SLC1A4: variants seen among roughly 807,000 people sequenced by gnomAD.
The protein encoded by SLC1A4 is solute carrier family 1 member 4, also known as neutral amino acid transporter A.
Under a neutral mutation model 37.7 loss-of-function variants are expected in SLC1A4, and 19 were observed. The observed-to-expected ratio is 0.50, with a 90% CI of 0.35 to 0.74. The LOEUF (loss-of-function observed/expected upper bound fraction) is 0.74. SLC1A4 is among the 30% of genes least tolerant of loss of function. SLC1A4 has a pLI of 0.01. For missense variants in SLC1A4, 570 were observed against 712.9 expected, an observed-to-expected ratio of 0.80 and a Z score of 2.28; for synonymous variants, 299 against 309.8, an observed-to-expected ratio of 0.97 and a Z score of 0.37.
Position 65,010,675 on chromosome 2 carries a change from A to G in SLC1A4, c.712A>G (p.Lys238Glu). ...LFALVLGVAL[K>E]KLGSEGEDLI... ...TGCTCTGGTGTTAGGAGTGGCCTTA[A>G]AGAAACTAGGCTCCGAAGGAGAAGA... The change falls in exon 4 of 8, where the codon AAG (lysine) becomes GAG (glutamate). Residue 238 changes from lysine to glutamate, a missense_variant. Physicochemically the swap from Lys to Glu is moderately conservative, Grantham distance 56. Coordinates refer to ENST00000234256, the MANE Select transcript of SLC1A4 (RefSeq NM_003038.5). 1.2e-6 allele frequency: 2 copies of G among 1,614,164 alleles called. No individual in the cohort carries two copies. The highest frequency in any genetic ancestry group is 1.7e-6 in the Non-Finnish European group (2 of 1,180,012).
chr2:65,017,666 G>A (rs1364202756), intron 5 of SLC1A4, among the ~76,000 whole-genome samples: 1 of 152,062 alleles, frequency 6.6e-6, no homozygotes, highest in African/African-American at 2.4e-5. Flanking sequence ...GCCATTTCTG[G>A]GTTTTGGCCT....
At chr2:65,016,111 T>C (rs1457129091) in intron 4 of SLC1A4, among the ~76,000 whole-genome samples, 1 of 152,224 alleles carries the variant, frequency 6.6e-6, no homozygotes, top group Non-Finnish European at 1.5e-5. Context: ...CCTGGAGGCT[T>C]TGATCTCGAT....
chr2:64,988,912 C>G (rs1347480149), upstream of SLC1A4, among the ~76,000 whole-genome samples: 1 of 152,048 alleles, frequency 6.6e-6, no homozygotes, highest in Non-Finnish European at 1.5e-5. Context: ...GAGAGGGATC[C>G]TCCCCTCTCC....
At chr2:65,016,745 T>A in intron 5 of SLC1A4, 72 bp downstream of exon 5, 1 of 941,670 alleles carries the variant, frequency 1.1e-6, no homozygotes, top group East Asian at 2.4e-5. Context: ...CAGTGGTAGA[T>A]GCACAACCAG....
At chr2:65,015,963 A>T (rs749167385) in intron 4 of SLC1A4, among the ~76,000 whole-genome samples, 6 of 152,256 alleles carry the variant, frequency 3.9e-5, no homozygotes, top group Non-Finnish European at 5.9e-5. Context: ...TCTAAGCCAC[A>T]AAGAATTTAA....
At position 65,018,989 on chromosome 2, in the gene SLC1A4, G is replaced by A. The variant is rs2075209; in HGVS notation, c.1364+310G>A. On this transcript the variant is annotated intron_variant, in intron 7 of 7. Transcript: ENST00000234256. The surrounding 1 kb of genome is among the most constrained non-coding windows in gnomAD (Gnocchi z 4.3). ...CCCAAGGGACACGAGGGTCTATGGA[G>A]TTGCTGACTGCATAGGAGTAATAAG... 0.19 allele frequency among the ~76,000 whole-genome samples: 28,259 copies of A among 152,266 alleles called. 2,760 individuals carry two copies. Among genetic ancestry groups the A allele is most frequent in the East Asian group, 0.35 (1,808 of 5,184 alleles).
At chr2:64,991,840 A>T (rs1299722298) in intron 1 of SLC1A4, among the ~76,000 whole-genome samples, 1 of 152,070 alleles carries the variant, frequency 6.6e-6, no homozygotes, top group Non-Finnish European at 1.5e-5. Flanking sequence ...TGACCTCGTG[A>T]GCCACCCGCC....
intron 1 of SLC1A4, among the ~76,000 whole-genome samples, chr2:64,994,082 G>A (rs1014019330): frequency 1.3e-4 from 20 of 152,328 alleles, no homozygotes; most frequent in African/African-American, 3.8e-4. Context: ...GGCATCTGGA[G>A]GAGAAGTGAA....
Position 64,989,543 on chromosome 2 carries a change from T to G in SLC1A4, c.-101T>G. ...ACCCCCGGGGCGGCTTCCCAGAACC[T>G]GCGGAGCACAACTGGCCGACCGACC... is the stretch of plus-strand genomic sequence containing the variant. On this transcript the variant is annotated 5_prime_UTR_variant, in exon 1 of 8. Coordinates refer to ENST00000234256, the MANE Select transcript of SLC1A4 (RefSeq NM_003038.5). 8.7e-7 allele frequency: 1 copy of G among 1,155,132 alleles called. No individual in the cohort carries two copies. The highest frequency in any genetic ancestry group is 3.2e-5 in the East Asian group (1 of 30,808). The allele number at this position is 1,155,132 out of a possible 1,614,324, so 71.6% of individuals were successfully genotyped here. A position where few individuals can be genotyped will look rare whatever the true frequency, so the allele number is the denominator to read the frequency against.
chr2:65,003,850 G>T, intron 2 of SLC1A4, 103 bp from the exon 3 acceptor site: 1 of 825,832 alleles, frequency 1.2e-6, no homozygotes, highest in South Asian at 1.5e-5. Flanking sequence ...CACTCAGTGT[G>T]AACAGTGACA....
chr2:64,993,205 T>C (rs3819816), intron 1 of SLC1A4, among the ~76,000 whole-genome samples: 33,911 of 152,170 alleles, frequency 0.22, 4,843 homozygotes, highest in Non-Finnish European at 0.32. Context: ...TGAGTCAGCA[T>C]AGCTGCTGCT....
chr2:64,991,074 T>C (rs79807771), intron 1 of SLC1A4, among the ~76,000 whole-genome samples: 3,596 of 152,266 alleles, frequency 0.024, 128 homozygotes, highest in African/African-American at 0.08. Context: ...TCCAGCTGGC[T>C]CCTTCTCCAG....
chr2:64,991,925 T>G (rs1315358962), intron 1 of SLC1A4, among the ~76,000 whole-genome samples: 1 of 152,174 alleles, frequency 6.6e-6, no homozygotes, highest in East Asian at 1.9e-4. Flanking sequence ...TAAATTTTTT[T>G]AGAGATGGGG....
chr2:65,008,721 A>G (rs918530286), intron 3 of SLC1A4, among the ~76,000 whole-genome samples: 3 of 152,254 alleles, frequency 2.0e-5, no homozygotes, highest in Admixed American at 1.3e-4. Context: ...CACTCCAGAC[A>G]GAGTGAGCCT....
rs745888669 is a variant in SLC1A4, at chr2:65,010,682, T to C, written c.719T>C (p.Leu240Pro). Residue 240 changes from leucine (L) to proline (P), a missense_variant, in exon 4 of 8, where the codon CTA (leucine) becomes CCA (proline). Coordinates refer to ENST00000234256, the MANE Select transcript of SLC1A4 (RefSeq NM_003038.5). ...ALVLGVALKKLGSEGEDLIRF... is the reference protein window; with the variant it reads ...ALVLGVALKKPGSEGEDLIRF... Reference sequence around the variant, plus strand: ...GTGTTAGGAGTGGCCTTAAAGAAACTAGGCTCCGAAGGAGAAGACCTCATC... The same window carrying C: ...GTGTTAGGAGTGGCCTTAAAGAAACCAGGCTCCGAAGGAGAAGACCTCATC... 5 of 1,614,048 alleles carry C rather than the reference T, an allele frequency of 3.1e-6. No individual in the cohort carries two copies. Among genetic ancestry groups the C allele is most frequent in the Non-Finnish European group, 3.4e-6 (4 of 1,180,012 alleles).
At position 65,016,202 on chromosome 2, in the gene SLC1A4, G is replaced by A. The variant is rs184806063; in HGVS notation, c.801-238G>A. 5.3e-5 allele frequency among the ~76,000 whole-genome samples: 8 copies of A among 152,312 alleles called. No homozygotes were observed. In the East Asian group the frequency reaches 7.7e-4, roughly 15 times the overall value. On this transcript the variant is annotated intron_variant, in intron 4 of 7. Coordinates refer to ENST00000234256, the MANE Select transcript of SLC1A4 (RefSeq NM_003038.5). ...ACATACTGTATCCAAGGGGAAAGAC[G>A]TCTGGGTTCTGGTCCTGACTCTGTT... is the stretch of plus-strand genomic sequence containing the variant.
chr2:65,015,895 C>G (rs1224116526), intron 4 of SLC1A4, among the ~76,000 whole-genome samples: 1 of 152,252 alleles, frequency 6.6e-6, no homozygotes, highest in African/African-American at 2.4e-5. Context: ...AACTCTCACG[C>G]TCCAGGCGTG....
At chr2:65,015,576 C>T (rs991999142) in intron 4 of SLC1A4, among the ~76,000 whole-genome samples, 2 of 152,098 alleles carry the variant, frequency 1.3e-5, no homozygotes, top group Non-Finnish European at 2.9e-5. Context: ...TCATGTATTA[C>T]TATCGGGTTT....
Position 65,004,875 on chromosome 2 carries a change from C to T in SLC1A4, c.633+860C>T, listed in dbSNP as rs138072181. 8.1e-4 allele frequency among the ~76,000 whole-genome samples: 124 copies of T among 152,240 alleles called. 1 individual carries two copies. In the East Asian group the frequency reaches 0.016, roughly 20 times the overall value. On this transcript the variant is annotated intron_variant, in intron 3 of 7. Transcript: ENST00000234256. The stretch of plus-strand genomic sequence containing the variant: ...GCACATTTTTTGCTATTTTTCTGCA[C>T]ATTTTGAAATACATGCTAAATAAAG...
Sources: gnomAD v4.1 joint callset for allele counts (sites outside exome capture counted in the v4.1 genomes callset) on GRCh38, gnomAD v4.1.1 for gene constraint, Gnocchi (gnomAD v3.1) non-coding constraint, MANE v1.5 for transcripts, NCBI Gene and HGNC (gene_info 2026-07-23, HGNC 2026-07-21) for gene names.